Variants in FNTB observed in about 807,000 individuals in gnomAD.
FNTB encodes the protein protein farnesyltransferase subunit beta.
A neutral mutation model predicts 59.4 loss-of-function variants in FNTB; 27 were observed. The ratio of observed to expected loss-of-function variants is 0.45; its 90% CI spans 0.34 to 0.63. The LOEUF (loss-of-function observed/expected upper bound fraction) is 0.63. FNTB is among the 20% of genes least tolerant of loss of function. The pLI, the probability that FNTB is intolerant of heterozygous loss-of-function variation, is 0.02. For missense variants in FNTB, 449 were observed against 559.6 expected (o/e 0.80, Z 1.99); for synonymous variants, 230 against 220.7 (o/e 1.04, Z -0.37).
At chr14:64,993,524 A>G (rs1231997648) in intron 1 of FNTB, among the ~76,000 whole-genome samples, 2 of 152,246 alleles carry the variant, frequency 1.3e-5, no homozygotes, top group Non-Finnish European at 2.9e-5. Flanking sequence ...GTATTTGAAT[A>G]TAAAGTGACT....
chr14:65,026,510 T>G (rs2061984405), intron 4 of FNTB, among the ~76,000 whole-genome samples: 1 of 152,152 alleles, frequency 6.6e-6, no homozygotes, highest in Admixed American at 6.5e-5. Flanking sequence ...AAGGTGAGCA[T>G]GAGAGCAGCC....
At chr14:65,061,089 A>G in intron 11 of FNTB, 92 bp from the exon 12 acceptor site, 1 of 1,549,568 alleles carries the variant, frequency 6.5e-7, no homozygotes, top group Non-Finnish European at 8.7e-7. Flanking sequence ...CTTATACTAA[A>G]TTCTTAGAAG....
intron 3 of FNTB, 46 bp from the exon 4 acceptor site, chr14:65,015,579 G>T (rs758595283): frequency 1.2e-6 from 2 of 1,606,946 alleles, no homozygotes; most frequent in Non-Finnish European, 8.5e-7. Context: ...CAGTGTCTTG[G>T]AGTGATTGTG....
intron 1 of FNTB, among the ~76,000 whole-genome samples, chr14:64,992,528 A>G (rs540753635): frequency 1.4e-3 from 213 of 152,308 alleles, no homozygotes; most frequent in Non-Finnish European, 2.7e-3. Context: ...TCCGGACCAC[A>G]TGTTCAGTTC....
chr14:65,004,257 A>G lies in FNTB; in HGVS notation c.153A>G (p.Val51=), dbSNP rs185874927. The G allele has an allele frequency of 1.9e-6, 3 of 1,613,636 alleles. No individual in the cohort carries two copies. The highest frequency in any genetic ancestry group is 2.7e-5 in the African/African-American group (2 of 74,918). ...ETVTSIEQAK[V]EEKIQEVFSS... ...TCCTGCATCCTTACCAGGCAAAAGT[A>G]GAAGAAAAGATCCAAGAGGTCTTCA... The change falls in exon 2 of 12, where the codon GTA becomes GTG. Residue 51 remains valine, a synonymous_variant. Transcript: ENST00000246166.
At chr14:65,006,619 A>G (rs1865539564) in intron 2 of FNTB, among the ~76,000 whole-genome samples, 1 of 152,122 alleles carries the variant, frequency 6.6e-6, no homozygotes, top group Non-Finnish European at 1.5e-5. Context: ...TGTACCCCCG[A>G]TGACTCACCC....
chr14:65,018,079 C>T (rs2061813777), intron 4 of FNTB, among the ~76,000 whole-genome samples: 1 of 152,144 alleles, frequency 6.6e-6, no homozygotes, highest in South Asian at 2.1e-4. Context: ...CGCATGATCA[C>T]ACCTGTAACC....
chr14:64,995,696 T>C (rs902963300), intron 1 of FNTB, among the ~76,000 whole-genome samples: 5 of 150,178 alleles, frequency 3.3e-5, no homozygotes, highest in Non-Finnish European at 5.9e-5. Flanking sequence ...ATTTTAAAGA[T>C]ATATGTGTAT....
chr14:64,996,447 G>GA (rs1281712828), intron 1 of FNTB, among the ~76,000 whole-genome samples: 1 of 152,224 alleles, frequency 6.6e-6, no homozygotes, highest in African/African-American at 2.4e-5. Context: ...GAGAAGGTGA[G>GA]AGAGGTACTG....
Position 65,059,639 on chromosome 14 carries a change from CCTT to C in FNTB, c.1183-1537_1183-1535del, listed in dbSNP as rs2062816367. The stretch of plus-strand genomic sequence containing the variant: ...TAAAATCTCTCCTGCAGTTGTGTCC[CCTT>C]CTTCATTATCCCACAGTGGGAGAAT... On this transcript the variant is annotated intron_variant, in intron 11 of 11. Transcript: ENST00000246166. Among the ~76,000 whole-genome samples, 3 of 152,120 alleles carry C rather than the reference CCTT, an allele frequency of 2.0e-5. No individual in the cohort carries two copies. The South Asian group carries it at 6.2e-4, about 32-fold the overall frequency.
In FNTB at chr14:65,031,141, T is replaced by C. The variant is rs1237187617; in HGVS notation, c.606-1469T>C. Among the ~76,000 whole-genome samples, 1 of 151,726 alleles carries C rather than the reference T, an allele frequency of 6.6e-6. No individual in the cohort carries two copies. The highest frequency in any genetic ancestry group is 1.5e-5 in the Non-Finnish European group (1 of 67,922). ...GATTTTTGAGCAGAATTCAAACCAA[T>C]GATTTTTGTCTTCCCTGTGCCGGGT... On this transcript the variant is annotated intron_variant, in intron 6 of 11. Transcript: ENST00000246166. This position sits in a 1 kb window ranked among gnomAD's most constrained non-coding sequence, Gnocchi z 4.6.
intron 7 of FNTB, among the ~76,000 whole-genome samples, chr14:65,036,022 A>G (rs754714494): frequency 6.6e-6 from 1 of 152,100 alleles, no homozygotes; most frequent in African/African-American, 2.4e-5. Context: ...TTGTAAAGAC[A>G]GAGTCTCACT....
chr14:65,045,163 A>G (rs950398209), intron 9 of FNTB, among the ~76,000 whole-genome samples: 7 of 152,070 alleles, frequency 4.6e-5, no homozygotes, highest in Non-Finnish European at 1.0e-4. Context: ...TCTGCCTGCT[A>G]ACTCCTGCAC....
intron 7 of FNTB, among the ~76,000 whole-genome samples, chr14:65,039,580 G>C (rs112153870): frequency 2.6e-5 from 4 of 152,164 alleles, no homozygotes; most frequent in African/African-American, 9.6e-5. Flanking sequence ...CTTGCTTTTT[G>C]TTGCCCCTCT....
In FNTB at chr14:64,994,834, G is replaced by A. The variant is rs1035249260; in HGVS notation, c.144+7737G>A. Among the ~76,000 whole-genome samples the A allele has an allele frequency of 4.6e-5, 7 of 151,656 alleles. No individual in the cohort carries two copies. Among genetic ancestry groups the A allele is most frequent in the South Asian group, 2.1e-4 (1 of 4,808 alleles). ...CATTATGAAAAATAAAAATAAACAC[G>A]GTATGCTTAAGCTACACTAAATTTA... On this transcript the variant is annotated intron_variant, in intron 1 of 11. Transcript: ENST00000246166. The surrounding 1 kb of genome is among the most constrained non-coding windows in gnomAD (Gnocchi z 4.2).
In FNTB at chr14:65,061,216, C is replaced by T. The variant is rs1389508797; in HGVS notation, c.1218C>T (p.Asp406=). 1 of 1,614,160 alleles carries T rather than the reference C, an allele frequency of 6.2e-7. No individual in the cohort carries two copies. Among genetic ancestry groups the T allele is most frequent in the Admixed American group, 1.7e-5 (1 of 60,020 alleles). The stretch of plus-strand genomic sequence containing the variant: ...ACCCAGTGTACAACATTGGACCAGA[C>T]AAGGTGATCCAGGCCACTACATACT... ...PTHPVYNIGP[D]KVIQATTYFL... The change falls in exon 12 of 12, where the codon GAC becomes GAT. Residue 406 remains aspartate, a synonymous_variant. Transcript: ENST00000246166.
chr14:65,035,362 C>T (rs908269006), intron 7 of FNTB, among the ~76,000 whole-genome samples: 2 of 152,174 alleles, frequency 1.3e-5, no homozygotes, highest in Non-Finnish European at 2.9e-5. Context: ...GTCAGCTGAA[C>T]CCTCAGGAAG....
At chr14:65,041,731 G>A (rs571007971) in intron 8 of FNTB, among the ~76,000 whole-genome samples, 3 of 152,228 alleles carry the variant, frequency 2.0e-5, no homozygotes, top group South Asian at 2.1e-4. Context: ...AGCCTCCCCC[G>A]GTGTAGTCTT....
chr14:65,038,965 A>G (rs553144709), intron 7 of FNTB, among the ~76,000 whole-genome samples: 2 of 152,234 alleles, frequency 1.3e-5, no homozygotes, highest in South Asian at 4.1e-4. Context: ...ATAATATTTT[A>G]TCTAAAGATA....
Sources: gnomAD v4.1 joint callset for allele counts (sites outside exome capture counted in the v4.1 genomes callset) on GRCh38, gnomAD v4.1.1 for gene constraint, Gnocchi (gnomAD v3.1) non-coding constraint, MANE v1.5 for transcripts, NCBI Gene and HGNC (gene_info 2026-07-23, HGNC 2026-07-21) for gene names.